KIF18A: variants seen among roughly 807,000 people sequenced by gnomAD.
KIF18A encodes the protein kinesin family member 18A.
A neutral mutation model predicts 103.3 loss-of-function variants in KIF18A; 67 were observed. The ratio of observed to expected loss-of-function variants is 0.65; its 90% CI spans 0.53 to 0.79. The LOEUF (loss-of-function observed/expected upper bound fraction) is 0.79, where lower values mean the gene tolerates loss of function less well. Ranked by LOEUF, KIF18A falls within the 30% of genes least tolerant of loss-of-function variation. The probability of loss-of-function intolerance (pLI) is 0.00; values close to 1 mark genes in which losing one functional copy is unlikely to be tolerated. For synonymous variants in KIF18A, 367 were observed against 355.5 expected, an observed-to-expected ratio of 1.03 and a Z score of -0.36; for missense variants, 1,032 against 1,062.5, an observed-to-expected ratio of 0.97 and a Z score of 0.40.
intron 9 of KIF18A, among the ~76,000 whole-genome samples, chr11:28,077,486 A>G (rs779338722): frequency 2.0e-5 from 3 of 152,128 alleles, no homozygotes; most frequent in Non-Finnish European, 4.4e-5. Context: ...ATGTAATCCT[A>G]TTGCTTAGCA....
chr11:28,059,750 T>G (rs768252224), intron 12 of KIF18A, among the ~76,000 whole-genome samples: 4 of 152,100 alleles, frequency 2.6e-5, no homozygotes, highest in African/African-American at 2.4e-5. Context: ...TAAATGTACA[T>G]AAAAGCTTTT....
chr11:28,073,120 T>C (rs17310049), intron 10 of KIF18A, among the ~76,000 whole-genome samples: 18,377 of 152,066 alleles, frequency 0.12, 1,512 homozygotes, highest in Non-Finnish European at 0.18. Context: ...GGCAAATATG[T>C]TTAACATCAT....
rs1300975687 is a variant in KIF18A at position 28,108,115 on chromosome 11, T to C, written c.-98A>G. ...GCCCAGGCCAGGTTACCGCAACCAC[T>C]TCACTTTAATGTCCGCCTCCCAGCG... On this transcript the variant is annotated 5_prime_UTR_variant, in exon 1 of 17. Coordinates refer to ENST00000263181, the MANE Select transcript of KIF18A (RefSeq NM_031217.4). 2.0e-5 allele frequency: 3 copies of C among 152,446 alleles called. No individual in the cohort carries two copies. The highest frequency in any genetic ancestry group is 2.1e-4 in the South Asian group (1 of 4,836). 9.4% of individuals were successfully genotyped at this position (152,446 alleles called of 1,614,324 possible).
chr11:28,084,384 C>CA (rs1851200812), intron 7 of KIF18A: 1 of 158,150 alleles, frequency 6.3e-6, no homozygotes, highest in Non-Finnish European at 1.4e-5. Flanking sequence ...GAGAAAGCCA[C>CA]TCAAGTACCA....
At chr11:28,076,109 G>A (rs1167690836) in intron 10 of KIF18A, among the ~76,000 whole-genome samples, 1 of 151,720 alleles carries the variant, frequency 6.6e-6, no homozygotes, top group African/African-American at 2.4e-5. Flanking sequence ...CTAACTCACC[G>A]TCTCCTTTGG....
intron 13 of KIF18A, among the ~76,000 whole-genome samples, chr11:28,050,636 C>T (rs1485059809): frequency 4.6e-5 from 7 of 151,708 alleles, no homozygotes; most frequent in Non-Finnish European, 1.0e-4. Context: ...AGGTTACAGA[C>T]AGAAGTATTA....
intron 13 of KIF18A, among the ~76,000 whole-genome samples, chr11:28,053,433 CAGAT>C (rs1216473352): frequency 2.6e-5 from 4 of 151,624 alleles, no homozygotes; most frequent in African/African-American, 4.8e-5. Context: ...ACATAAAAAA[CAGAT>C]AGTGAATCAG....
At position 28,097,769 on chromosome 11, in the gene KIF18A, G is replaced by A; in HGVS notation, c.179C>T (p.Thr60Ile). 4 of 1,612,168 alleles carry A rather than the reference G, an allele frequency of 2.5e-6. No individual in the cohort carries two copies. Among genetic ancestry groups the A allele is most frequent in the Non-Finnish European group, 2.5e-6 (3 of 1,178,668 alleles). ...TTGTTTCTTTATAACATTTTGATTT[G>A]TAGTTTTCTTTCCATGGAAAAAACT... is the stretch of plus-strand genomic sequence containing the variant. ...EVSFFHGKKT[T>I]NQNVIKKQNK... The change falls in exon 2 of 17, where the codon ACA becomes ATA. Residue 60 changes from threonine to isoleucine, a missense_variant. Coordinates refer to ENST00000263181, the MANE Select transcript of KIF18A (RefSeq NM_031217.4).
chr11:28,072,359 C>T (rs1457589168), intron 10 of KIF18A, among the ~76,000 whole-genome samples: 1 of 151,878 alleles, frequency 6.6e-6, no homozygotes, highest in Non-Finnish European at 1.5e-5. Context: ...ATGAAATTAC[C>T]CAGGAGCTTC....
At chr11:28,084,302 G>A (rs968766455) in intron 7 of KIF18A, 1 of 152,438 alleles carries the variant, frequency 6.6e-6, no homozygotes, top group Non-Finnish European at 1.5e-5. Context: ...TGCAACAAAT[G>A]TGTTCAAGTT....
chr11:28,053,655 T>A (rs11030198), intron 13 of KIF18A, among the ~76,000 whole-genome samples: 7 of 86 alleles, frequency 0.081, no homozygotes, highest in East Asian at 0.44. Flanking sequence ...CCCTCCCCCC[T>A]TTCCCCCACC....
intron 11 of KIF18A, among the ~76,000 whole-genome samples, chr11:28,067,456 T>C: frequency 6.6e-6 from 1 of 152,076 alleles, no homozygotes; most frequent in Non-Finnish European, 1.5e-5. Flanking sequence ...GTCTTTTCTC[T>C]CCAGTCATGT....
intron 5 of KIF18A, 145 bp from the exon 6 acceptor site, chr11:28,088,866 G>C (rs1482926759): frequency 6.1e-6 from 4 of 660,474 alleles, no homozygotes; most frequent in Non-Finnish European, 1.0e-5. Flanking sequence ...TGATATTTAA[G>C]AGCACTATAA....
At chr11:28,036,166 T>A in intron 14 of KIF18A, 51 bp downstream of exon 14, 1 of 1,217,380 alleles carries the variant, frequency 8.2e-7, no homozygotes, top group Non-Finnish European at 1.1e-6. Context: ...CAACTAATAG[T>A]TGAAAGTCTA....
Position 28,084,689 on chromosome 11 carries a change from G to A in KIF18A, c.1017C>T (p.Tyr339=). Residue 339 remains tyrosine, a synonymous_variant, in exon 7 of 17, where the codon TAC becomes TAT. Transcript: ENST00000263181. ...ACTTAAGAGTGTTATATGTGTCATC[G>A]TAGAATACAGAGGAAGGACTAACAG... ...IAAVSPSSVF[Y]DDTYNTLKYA... is the part of the protein sequence containing the mutation. 1.2e-6 allele frequency: 2 copies of A among 1,612,580 alleles called. No homozygotes were observed. The highest frequency in any genetic ancestry group is 8.5e-7 in the Non-Finnish European group (1 of 1,178,724).
chr11:28,022,710 C>T (rs558504739), intron 16 of KIF18A, among the ~76,000 whole-genome samples: 3 of 152,246 alleles, frequency 2.0e-5, no homozygotes, highest in African/African-American at 7.2e-5. Flanking sequence ...ACATGTCAAA[C>T]CAAATGATCA....
chr11:28,107,958 T>G (rs1470216697), intron 1 of KIF18A, 106 bp downstream of exon 1: 2 of 152,236 alleles, frequency 1.3e-5, no homozygotes, highest in East Asian at 3.9e-4. Flanking sequence ...TCAACGCTTC[T>G]GTGTTTGTCA....
intron 9 of KIF18A, 65 bp from the exon 10 acceptor site, chr11:28,077,234 T>A: frequency 1.8e-6 from 2 of 1,137,294 alleles, no homozygotes; most frequent in Non-Finnish European, 1.2e-6. Flanking sequence ...AAAGTTTACT[T>A]AAGAGAAATG....
chr11:28,082,273 T>C (rs1851174731), intron 9 of KIF18A, among the ~76,000 whole-genome samples: 1 of 152,118 alleles, frequency 6.6e-6, no homozygotes, highest in African/African-American at 2.4e-5. Flanking sequence ...TAAAATGCTA[T>C]CAAAGAGCAT....
Sources: allele counts gnomAD v4.1 joint callset (sites outside exome capture counted in the v4.1 genomes callset), GRCh38; gene constraint gnomAD v4.1.1; transcripts MANE v1.5; gene names NCBI Gene and HGNC (gene_info 2026-07-23, HGNC 2026-07-21).